The following IKZF2 variants were observed in gnomAD, a reference collection of about 807,000 sequenced individuals.
IKZF2 encodes the protein IKAROS family zinc finger 2, also known as zinc finger protein Helios.
IKZF2 carries 15 observed loss-of-function variants against 49.2 expected under a neutral mutation model. The ratio of observed to expected loss-of-function variants is 0.30; its 90% CI spans 0.20 to 0.47. IKZF2 has a LOEUF of 0.47. IKZF2 is among the 20% of genes least tolerant of loss of function. The pLI is 1.00. For synonymous variants in IKZF2, 227 were observed against 221.4 expected, an observed-to-expected ratio of 1.03 and a Z score of -0.23; for missense variants, 567 against 664.6, an observed-to-expected ratio of 0.85 and a Z score of 1.61.
At chr2:213,092,552 C>G (rs1327537910) in intron 4 of IKZF2, among the ~76,000 whole-genome samples, 3 of 152,170 alleles carry the variant, frequency 2.0e-5, no homozygotes, top group East Asian at 3.9e-4. Flanking sequence ...GTTAGTCCCC[C>G]CTGTGATGGT....
At chr2:213,071,956 GA>G (rs1326853707) in intron 4 of IKZF2, among the ~76,000 whole-genome samples, 1 of 151,832 alleles carries the variant, frequency 6.6e-6, no homozygotes, top group Non-Finnish European at 1.5e-5. Flanking sequence ...AACCTAAAAT[GA>G]AACCTCTTCA....
intron 4 of IKZF2, among the ~76,000 whole-genome samples, chr2:213,097,221 T>C (rs1291970479): frequency 6.6e-6 from 1 of 151,846 alleles, no homozygotes; most frequent in Non-Finnish European, 1.5e-5. Context: ...CTAAAAAATA[T>C]GCAATAGTTG....
Position 213,007,432 on chromosome 2 carries a change from G to A in IKZF2, c.1509C>T (p.Ile503=), listed in dbSNP as rs1297372758. The change falls in exon 9 of 9, where the codon ATC becomes ATT. Residue 503 remains isoleucine, a synonymous_variant. Coordinates refer to ENST00000434687, the MANE Select transcript of IKZF2 (RefSeq NM_001387220.1). ...HGYRDPLECN[I]CGYRSQDRYE... is the part of the protein sequence containing the mutation. ...AACGGTCCTGGCTTCTGTAGCCACAGATGTTGCATTCCAGTGGGTCCCGGT... is the reference window on the plus strand; with the variant it reads ...AACGGTCCTGGCTTCTGTAGCCACAAATGTTGCATTCCAGTGGGTCCCGGT... 2 of 1,613,604 alleles carry A rather than the reference G, an allele frequency of 1.2e-6. No homozygotes were observed. The highest frequency in any genetic ancestry group is 2.2e-5 in the South Asian group (2 of 91,072).
chr2:213,124,289 C>CACAT (rs1553599703), intron 4 of IKZF2, among the ~76,000 whole-genome samples: 34 of 146,308 alleles, frequency 2.3e-4, no homozygotes, highest in African/African-American at 7.9e-4. Context: ...CACACACACA[C>CACAT]ACACACACAG....
At chr2:213,118,753 C>T (rs2059957330) in intron 4 of IKZF2, among the ~76,000 whole-genome samples, 1 of 152,150 alleles carries the variant, frequency 6.6e-6, no homozygotes, top group South Asian at 2.1e-4. Flanking sequence ...CTACTCAGGT[C>T]TGGTACTACC....
intron 8 of IKZF2, among the ~76,000 whole-genome samples, chr2:213,012,401 A>G (rs898415105): frequency 6.6e-6 from 1 of 151,950 alleles, no homozygotes; most frequent in South Asian, 2.1e-4. Context: ...GAATAATAAT[A>G]TATTTTATTT....
intron 4 of IKZF2, among the ~76,000 whole-genome samples, chr2:213,067,588 A>G (rs1292803752): frequency 6.6e-6 from 1 of 152,118 alleles, no homozygotes; most frequent in African/African-American, 2.4e-5. Context: ...TAATTTCAAA[A>G]GACAAATGCT....
At chr2:213,098,570 G>A (rs1367205658) in intron 4 of IKZF2, among the ~76,000 whole-genome samples, 1 of 151,992 alleles carries the variant, frequency 6.6e-6, no homozygotes, top group East Asian at 1.9e-4. Flanking sequence ...AAATCTCAAA[G>A]TCTAACATAA....
At chr2:213,113,063 AT>A (rs757959927) in intron 4 of IKZF2, among the ~76,000 whole-genome samples, 1 of 152,214 alleles carries the variant, frequency 6.6e-6, no homozygotes, top group African/African-American at 2.4e-5. Context: ...TCTAAAAAAA[AT>A]AATTATGAGC....
At chr2:213,073,249 A>G (rs1475910602) in intron 4 of IKZF2, among the ~76,000 whole-genome samples, 2 of 152,160 alleles carry the variant, frequency 1.3e-5, no homozygotes, top group African/African-American at 4.8e-5. Flanking sequence ...AAACTGAGAT[A>G]CAATAAACCA....
At chr2:213,046,867 C>T (rs534129962) in intron 6 of IKZF2, among the ~76,000 whole-genome samples, 1 of 151,968 alleles carries the variant, frequency 6.6e-6, no homozygotes, top group East Asian at 1.9e-4. Flanking sequence ...CTCAGTGGGC[C>T]AATGTACAAA....
At chr2:213,032,853 G>A (rs1698608461) in intron 6 of IKZF2, among the ~76,000 whole-genome samples, 1 of 152,184 alleles carries the variant, frequency 6.6e-6, no homozygotes, top group Admixed American at 6.5e-5. Context: ...AGGCTGGGAT[G>A]GATGTGGCAA....
chr2:213,074,185 T>C (rs796875794), intron 4 of IKZF2, among the ~76,000 whole-genome samples: 11 of 152,326 alleles, frequency 7.2e-5, no homozygotes, highest in African/African-American at 2.6e-4. Context: ...AAATATATTA[T>C]TCTGACATGT....
chr2:213,129,052 A>G (rs2060378700), intron 4 of IKZF2, among the ~76,000 whole-genome samples: 1 of 151,932 alleles, frequency 6.6e-6, no homozygotes, highest in African/African-American at 2.4e-5. Context: ...TGAACACTAC[A>G]GTGTAAAACA....
chr2:213,073,316 A>C (rs549361191), intron 4 of IKZF2, among the ~76,000 whole-genome samples: 3 of 152,224 alleles, frequency 2.0e-5, no homozygotes, highest in African/African-American at 7.2e-5. Context: ...GATGGAGTTC[A>C]GTGAGTAAGA....
chr2:213,053,984 G>A (rs1700914236), intron 5 of IKZF2, among the ~76,000 whole-genome samples: 1 of 152,164 alleles, frequency 6.6e-6, no homozygotes, highest in African/African-American at 2.4e-5. Flanking sequence ...TGGGCACGGT[G>A]GCTCACGCCT....
chr2:213,098,022 A>T lies in IKZF2; in HGVS notation c.140-40923T>A, dbSNP rs1706222371. The T allele has an allele frequency of 4.5e-5, 11 of 244,580 alleles. No individual in the cohort carries two copies. In the South Asian group the frequency reaches 5.0e-4, roughly 11 times the overall value. 15.2% of individuals were successfully genotyped at this position (244,580 alleles called of 1,614,324 possible). On this transcript the variant is annotated intron_variant, in intron 4 of 8. Transcript: ENST00000434687. ...TAAAACAGTTAACATGAATTAATCA[A>T]TCTCAAAAAAGTCACAGAAGTTAGG...
upstream of IKZF2, among the ~76,000 whole-genome samples, chr2:213,151,872 C>T (rs1313729601): frequency 1.3e-5 from 2 of 150,284 alleles, no homozygotes; most frequent in African/African-American, 2.4e-5. Context: ...CGCGCGCGGG[C>T]TGGCGGGCGC....
intron 4 of IKZF2, among the ~76,000 whole-genome samples, chr2:213,070,561 AT>A (rs1702588737): frequency 6.6e-6 from 1 of 152,108 alleles, no homozygotes; most frequent in Non-Finnish European, 1.5e-5. Context: ...AAGCAAATCA[AT>A]TTATCAAATA....
Sources: gnomAD v4.1 joint callset for allele counts (sites outside exome capture counted in the v4.1 genomes callset) on GRCh38, gnomAD v4.1.1 for gene constraint, MANE v1.5 for transcripts, NCBI Gene and HGNC (gene_info 2026-07-23, HGNC 2026-07-21) for gene names.